MTIF2: variants seen among roughly 807,000 people sequenced by gnomAD.
MTIF2 encodes mitochondrial translational initiation factor 2.
MTIF2 carries 71 observed loss-of-function variants against 83.5 expected under a neutral mutation model. The observed-to-expected ratio is 0.85, with a 90% confidence interval of 0.70 to 1.04. The LOEUF (loss-of-function observed/expected upper bound fraction) is 1.04. Among genes scored for constraint, MTIF2 ranks in the 50% least tolerant of loss-of-function variants. MTIF2 has a pLI of 0.00. For missense variants in MTIF2, 957 were observed against 846.5 expected (o/e 1.13, Z -1.62); for synonymous variants, 319 against 287.1 (o/e 1.11, Z -1.12).
At chr2:55,255,118 AATT>A (rs1007056358) in intron 5 of MTIF2, among the ~76,000 whole-genome samples, 2 of 151,838 alleles carry the variant, frequency 1.3e-5, no homozygotes, top group Admixed American at 1.3e-4. Flanking sequence ...TATTTATAAT[AATT>A]GATTGTAGTC....
In MTIF2 at chr2:55,254,094, T is replaced by C. The variant is rs879255991; in HGVS notation, c.611A>G (p.Gln204Arg). Residue 204 changes from glutamine (Q) to arginine (R), a missense_variant, in exon 7 of 16, where the codon CAA (glutamine) becomes CGA (arginine). Transcript: ENST00000263629. ...TTLLDKFRKT[Q>R]VAAVETGGIT... ...GCCTCCAGTTTCCACTGCTGCCACT[T>C]GAGTTTTTCGAAATTTGTCAAGTAA... 8 of 1,614,190 alleles carry C rather than the reference T, an allele frequency of 5.0e-6. No homozygotes were observed. Among genetic ancestry groups the C allele is most frequent in the Non-Finnish European group, 6.8e-6 (8 of 1,180,008 alleles).
intron 9 of MTIF2, among the ~76,000 whole-genome samples, chr2:55,248,597 C>T (rs1412513642): frequency 1.3e-5 from 2 of 152,054 alleles, no homozygotes; most frequent in Non-Finnish European, 2.9e-5. Context: ...TGTTTATATT[C>T]AAGAAAGAAT....
In MTIF2 at chr2:55,246,709, C is replaced by G. The variant is rs544984813; in HGVS notation, c.982-248G>C. Among the ~76,000 whole-genome samples, 44 of 152,206 alleles carry G rather than the reference C, an allele frequency of 2.9e-4. 1 individual carries two copies. The highest frequency in any genetic ancestry group is 1.5e-3 in the East Asian group (8 of 5,178). ...AAACCTGAGCCATGGACAGATCTTG[C>G]AAGGAACAAGTGGCTATTTTTTTTA... is the stretch of plus-strand genomic sequence containing the variant. On this transcript the variant is annotated intron_variant, in intron 9 of 15. Coordinates refer to ENST00000263629, the MANE Select transcript of MTIF2 (RefSeq NM_002453.3).
At position 55,243,398 on chromosome 2, in the gene MTIF2, A is replaced by C. The variant is rs755060339; in HGVS notation, c.1564+18T>G. 6.3e-7 allele frequency: 1 copy of C among 1,575,262 alleles called. No homozygotes were observed. The highest frequency in any genetic ancestry group is 1.4e-5 in the African/African-American group (1 of 73,446). ...TATTCAAAGAATGAACTGTAATGTAAAATCTTTAAAAAGATACCTTTAATA... is the reference window on the plus strand; with the variant it reads ...TATTCAAAGAATGAACTGTAATGTACAATCTTTAAAAAGATACCTTTAATA... On this transcript the variant is annotated intron_variant, in intron 12 of 15. Transcript: ENST00000263629.
At chr2:55,246,880 G>A (rs987239734) in intron 9 of MTIF2, among the ~76,000 whole-genome samples, 7 of 152,006 alleles carry the variant, frequency 4.6e-5, no homozygotes, top group South Asian at 2.1e-4. Context: ...CCAACTGAAC[G>A]AGATTTCACA....
At position 55,237,420 on chromosome 2, in the gene MTIF2, A is replaced by G. The variant is rs768352753; in HGVS notation, c.1879T>C (p.Ser627Pro). The G allele has an allele frequency of 2.5e-6, 4 of 1,606,784 alleles. No homozygotes were observed. Among genetic ancestry groups the G allele is most frequent in the Non-Finnish European group, 3.4e-6 (4 of 1,178,140 alleles). Reference sequence around the variant, plus strand: ...GTTACAGAGAAGGTAGCTAGTATAGATGCCTCACCTTTAGGAAGAAGAGAA... The same window carrying G: ...GTTACAGAGAAGGTAGCTAGTATAGGTGCCTCACCTTTAGGAAGAAGAGAA... ...AVEEHPVGEA[S>P]ILATFSVTEG... The change falls in exon 15 of 16, where the codon TCT becomes CCT. Residue 627 changes from serine (S) to proline (P), a missense_variant. Ser to Pro is a moderately conservative substitution (Grantham distance 74, BLOSUM62 -1). Around this residue, in one of 3 missense-constraint regions of MTIF2, gnomAD observed 221 missense variants for 180.6 expected, o/e 1.22. Coordinates refer to ENST00000263629, the MANE Select transcript of MTIF2 (RefSeq NM_002453.3).
intron 5 of MTIF2, among the ~76,000 whole-genome samples, chr2:55,255,486 A>T (rs1441151092): frequency 6.8e-6 from 1 of 147,106 alleles, no homozygotes; most frequent in Non-Finnish European, 1.5e-5. Flanking sequence ...TTTATATATA[A>T]ATACATATAT....
chr2:55,256,036 C>T (rs1177090358), intron 5 of MTIF2, among the ~76,000 whole-genome samples: 4 of 152,088 alleles, frequency 2.6e-5, no homozygotes, highest in African/African-American at 9.7e-5. Flanking sequence ...GCCACCATCC[C>T]TGGCTAATTT....
At chr2:55,236,934 G>T in intron 15 of MTIF2, 114 bp from the exon 16 acceptor site, 2 of 894,186 alleles carry the variant, frequency 2.2e-6, no homozygotes, top group Non-Finnish European at 3.1e-6. Flanking sequence ...AAATTTTATG[G>T]TCTTGTCAAG....
intron 5 of MTIF2, among the ~76,000 whole-genome samples, chr2:55,255,403 A>G (rs1248043021): frequency 6.8e-6 from 1 of 146,330 alleles, no homozygotes; most frequent in Non-Finnish European, 1.5e-5. Context: ...AGTATTATAT[A>G]TAATATATAT....
At chr2:55,262,086 T>G (rs1678046827) in intron 5 of MTIF2, among the ~76,000 whole-genome samples, 1 of 152,196 alleles carries the variant, frequency 6.6e-6, no homozygotes, top group Admixed American at 6.5e-5. Flanking sequence ...TTAATTCGTA[T>G]AAGAAAATCT....
Position 55,249,548 on chromosome 2 carries a change from A to G in MTIF2, c.842-14T>C. 1 of 1,610,694 alleles carries G rather than the reference A, an allele frequency of 6.2e-7. No individual in the cohort carries two copies. The highest frequency in any genetic ancestry group is 8.5e-7 in the Non-Finnish European group (1 of 1,178,780). ...GGATAATAGGAACTGAAAGAAATGGAGTTAAAAAGAGTGAAAATGATGACA... is the reference window on the plus strand; with the variant it reads ...GGATAATAGGAACTGAAAGAAATGGGGTTAAAAAGAGTGAAAATGATGACA... On this transcript the variant is annotated splice_polypyrimidine_tract_variant and intron_variant, in intron 8 of 15. Transcript: ENST00000263629.
chr2:55,265,459 G>C (rs1484712508), intron 3 of MTIF2, among the ~76,000 whole-genome samples: 1 of 151,306 alleles, frequency 6.6e-6, no homozygotes, highest in East Asian at 1.9e-4. Flanking sequence ...ATAACCTAGG[G>C]TCGTGTTTTC....
rs765880367 is a variant in MTIF2 at position 55,263,803 on chromosome 2, C to G, written c.56G>C (p.Arg19Thr). ...TCTTTGACACAGACTGTGCAGTTGC[C>G]TATAAATAGTGTGAAATCGTAGCAA... is the stretch of plus-strand genomic sequence containing the variant. ...ENLLRFHTIY[R>T]QLHSLCQRRA... The change falls in exon 4 of 16, where the codon AGG becomes ACG. Residue 19 changes from arginine (R) to threonine (T), a missense_variant. By Grantham distance (71) the Arg-to-Thr change is moderately conservative (BLOSUM62 -1). Around this residue, in one of 3 missense-constraint regions of MTIF2, gnomAD observed 733 missense variants for 648.7 expected, o/e 1.13. Coordinates refer to ENST00000263629, the MANE Select transcript of MTIF2 (RefSeq NM_002453.3). 1.5e-5 allele frequency: 25 copies of G among 1,613,936 alleles called. No individual in the cohort carries two copies. In the South Asian group the frequency reaches 2.6e-4, roughly 17 times the overall value.
intron 9 of MTIF2, 147 bp downstream of exon 9, chr2:55,249,248 A>G: frequency 2.0e-6 from 2 of 1,005,312 alleles, no homozygotes; most frequent in South Asian, 1.8e-5. Context: ...CCAAACCAAG[A>G]TAATACCATC....
intron 5 of MTIF2, among the ~76,000 whole-genome samples, chr2:55,260,298 C>T (rs1203722758): frequency 2.7e-5 from 4 of 150,200 alleles, no homozygotes; most frequent in Non-Finnish European, 4.4e-5. Flanking sequence ...ACTCGGGAGG[C>T]TTGAGACAGG....
intron 5 of MTIF2, among the ~76,000 whole-genome samples, chr2:55,257,345 G>A (rs1573904303): frequency 6.6e-6 from 1 of 152,090 alleles, no homozygotes; most frequent in East Asian, 1.9e-4. Flanking sequence ...GCTGGGCATG[G>A]TGGCACGCAC....
intron 7 of MTIF2, among the ~76,000 whole-genome samples, chr2:55,253,270 T>A (rs1286065596): frequency 1.3e-5 from 2 of 152,220 alleles, no homozygotes; most frequent in Non-Finnish European, 2.9e-5. Context: ...GGACTATTAT[T>A]TAATTATTAT....
chr2:55,254,184 G>T lies in MTIF2; in HGVS notation c.521C>A (p.Ala174Asp), dbSNP rs2104403973. 1 of 1,613,944 alleles carries T rather than the reference G, an allele frequency of 6.2e-7. No individual in the cohort carries two copies. Residue 174 changes from alanine to aspartate, a missense_variant, in exon 7 of 16, where the codon GCT (alanine) becomes GAT (aspartate). Coordinates refer to ENST00000263629, the MANE Select transcript of MTIF2 (RefSeq NM_002453.3). ...AACTGGGGACCTTGGGGTTAATAAA[G>T]CTGGATCTGCCTGGGGCCTACAATT... is the stretch of plus-strand genomic sequence containing the variant. ...DAVRRPQADP[A>D]LLTPRSPVVT...
Sources: allele counts gnomAD v4.1 joint callset (sites outside exome capture counted in the v4.1 genomes callset), GRCh38; gene constraint gnomAD v4.1.1; regional missense constraint gnomAD v4.1.1; transcripts MANE v1.5; gene names NCBI Gene and HGNC (gene_info 2026-07-23, HGNC 2026-07-21).